NELL1: variants seen among roughly 807,000 people sequenced by gnomAD.
The protein encoded by NELL1 is protein kinase C-binding protein NELL1.
A neutral mutation model predicts 107.4 loss-of-function variants in NELL1; 76 were observed. That is an observed-to-expected ratio of 0.71 (90% CI 0.59 to 0.86). The LOEUF (loss-of-function observed/expected upper bound fraction) is 0.86, where lower values mean the gene tolerates loss of function less well. Ranked by LOEUF, NELL1 falls within the 40% of genes least tolerant of loss-of-function variation. NELL1 has a pLI of 0.00. For synonymous variants in NELL1, 353 were observed against 341.2 expected (o/e 1.03, Z -0.38); for missense variants, 1,024 against 1,005.5 (o/e 1.02, Z -0.25).
chr11:21,390,481 C>T (rs962634820), intron 15 of NELL1, among the ~76,000 whole-genome samples: 2 of 150,046 alleles, frequency 1.3e-5, no homozygotes, highest in Non-Finnish European at 1.5e-5. Flanking sequence ...GTTCTTTTTT[C>T]GACCGCTCAT....
At chr11:20,814,217 A>G (rs1262693693) in intron 3 of NELL1, among the ~76,000 whole-genome samples, 2 of 152,108 alleles carry the variant, frequency 1.3e-5, no homozygotes, top group Admixed American at 1.3e-4. Context: ...GATGGTCTCG[A>G]TCTCCTGACC....
chr11:21,279,840 G>T (rs527349341), intron 14 of NELL1, among the ~76,000 whole-genome samples: 2 of 152,248 alleles, frequency 1.3e-5, no homozygotes, highest in South Asian at 2.1e-4. Flanking sequence ...GAGTTGAAAG[G>T]ATAAACTTTG....
chr11:20,932,639 G>A (rs1242734606), intron 9 of NELL1, among the ~76,000 whole-genome samples: 1 of 152,168 alleles, frequency 6.6e-6, no homozygotes, highest in Non-Finnish European at 1.5e-5. Context: ...AACTTTAAGT[G>A]GTAGGGTCCG....
intron 3 of NELL1, among the ~76,000 whole-genome samples, chr11:20,822,422 T>C (rs947603043): frequency 2.0e-5 from 3 of 152,186 alleles, no homozygotes; most frequent in Non-Finnish European, 4.4e-5. Flanking sequence ...AAATGCCTAG[T>C]ATATTTTGGT....
intron 15 of NELL1, among the ~76,000 whole-genome samples, chr11:21,409,787 A>G (rs1433808597): frequency 6.6e-6 from 1 of 151,812 alleles, no homozygotes; most frequent in Non-Finnish European, 1.5e-5. Context: ...ACTGGTCTAG[A>G]TGCAATCTGT....
chr11:20,836,117 T>A (rs1460534080), intron 3 of NELL1, among the ~76,000 whole-genome samples: 2 of 152,030 alleles, frequency 1.3e-5, no homozygotes, highest in Non-Finnish European at 2.9e-5. Flanking sequence ...AACCAATTTT[T>A]AAAAATAGGC....
chr11:21,520,171 G>A (rs1855682051), intron 15 of NELL1, among the ~76,000 whole-genome samples: 1 of 152,132 alleles, frequency 6.6e-6, no homozygotes, highest in African/African-American at 2.4e-5. Context: ...CATAAAAAGA[G>A]GCCTAAGGGA....
At chr11:20,676,892 G>A (rs1381627235) in intron 1 of NELL1, among the ~76,000 whole-genome samples, 2 of 152,224 alleles carry the variant, frequency 1.3e-5, no homozygotes, top group Admixed American at 6.5e-5. Context: ...GAGATGGTAT[G>A]TGTAGATAGA....
In NELL1 at chr11:21,247,230, C is replaced by T. The variant is rs762779277; in HGVS notation, c.1549+17776C>T. ...GTATATACACTGTACACTTTGGCAACGCTACATTTATTAAAATATTTTTCT... is the reference window on the plus strand; with the variant it reads ...GTATATACACTGTACACTTTGGCAATGCTACATTTATTAAAATATTTTTCT... On this transcript the variant is annotated intron_variant, in intron 14 of 19. Coordinates refer to ENST00000357134, the MANE Select transcript of NELL1 (RefSeq NM_006157.5). Among the ~76,000 whole-genome samples, 18 of 152,122 alleles carry T rather than the reference C, an allele frequency of 1.2e-4. No homozygotes were observed. In the East Asian group the frequency reaches 1.4e-3, roughly 11 times the overall value.
intron 12 of NELL1, among the ~76,000 whole-genome samples, chr11:20,973,101 CTTTTTTTTTT>C (rs761894107): frequency 2.2e-5 from 2 of 92,498 alleles, no homozygotes; most frequent in African/African-American, 8.7e-5. Context: ...ATCTTCATTA[CTTTTTTTTTT>C]TTTTTTTTTT....
At chr11:20,745,469 C>A (rs898644261) in intron 2 of NELL1, among the ~76,000 whole-genome samples, 1 of 152,122 alleles carries the variant, frequency 6.6e-6, no homozygotes, top group Non-Finnish European at 1.5e-5. Flanking sequence ...CTCAAAATTG[C>A]GGGCTTTACC....
intron 16 of NELL1, among the ~76,000 whole-genome samples, chr11:21,536,910 G>T (rs1328841072): frequency 6.6e-6 from 1 of 152,130 alleles, no homozygotes; most frequent in Non-Finnish European, 1.5e-5. Flanking sequence ...TCTCTAACAT[G>T]CTGAGTGGCA....
chr11:20,903,992 A>G (rs919269633), intron 5 of NELL1, among the ~76,000 whole-genome samples: 2 of 152,162 alleles, frequency 1.3e-5, no homozygotes, highest in African/African-American at 4.8e-5. Flanking sequence ...TTCCTAGTGT[A>G]GGACAACAGT....
intron 14 of NELL1, among the ~76,000 whole-genome samples, chr11:21,261,047 T>C (rs1848519413): frequency 6.6e-6 from 1 of 151,882 alleles, no homozygotes; most frequent in South Asian, 2.1e-4. Flanking sequence ...TAAGTGATCA[T>C]AGTTAGCAAC....
chr11:20,676,582 G>A (rs943505575), intron 1 of NELL1, among the ~76,000 whole-genome samples: 2 of 152,198 alleles, frequency 1.3e-5, no homozygotes, highest in Admixed American at 6.5e-5. Context: ...GGCAATAACC[G>A]GTTTCAGCTC....
At chr11:21,175,347 C>G (rs979802889) in intron 13 of NELL1, among the ~76,000 whole-genome samples, 1 of 151,510 alleles carries the variant, frequency 6.6e-6, no homozygotes, top group Non-Finnish European at 1.5e-5. Context: ...TTTTCTAACT[C>G]GAGAGTCAAT....
rs557813753 is a variant in NELL1, at chr11:21,300,527, T to C, written c.1550-70326T>C. On this transcript the variant is annotated intron_variant, in intron 14 of 19. Coordinates refer to ENST00000357134, the MANE Select transcript of NELL1 (RefSeq NM_006157.5). ...CTGCTGTGTGGATGAGGGACCATCATTGGAAAATGAGAGTAGAGGTTAGGA... is the reference window on the plus strand; with the variant it reads ...CTGCTGTGTGGATGAGGGACCATCACTGGAAAATGAGAGTAGAGGTTAGGA... Among the ~76,000 whole-genome samples, 17 of 152,024 alleles carry C rather than the reference T, an allele frequency of 1.1e-4. 3 individuals are homozygous for C. Among genetic ancestry groups the C allele is most frequent in the East Asian group, 3.9e-4 (2 of 5,142 alleles).
chr11:21,433,493 C>T (rs571360467), intron 15 of NELL1, among the ~76,000 whole-genome samples: 1 of 152,146 alleles, frequency 6.6e-6, no homozygotes, highest in Non-Finnish European at 1.5e-5. Context: ...ACATTTGCAC[C>T]AACAGTGTGT....
chr11:20,903,824 A>G (rs1186920627), intron 5 of NELL1, among the ~76,000 whole-genome samples: 2 of 152,158 alleles, frequency 1.3e-5, no homozygotes, highest in Non-Finnish European at 2.9e-5. Flanking sequence ...CTTTGTTGGA[A>G]CTTAGGAAAA....
Sources: gnomAD v4.1 joint callset for allele counts (sites outside exome capture counted in the v4.1 genomes callset) on GRCh38, gnomAD v4.1.1 for gene constraint, MANE v1.5 for transcripts, NCBI Gene and HGNC (gene_info 2026-07-23, HGNC 2026-07-21) for gene names.